ECHDC2: variants seen among roughly 807,000 people sequenced by gnomAD.
ECHDC2 encodes enoyl-CoA hydratase domain-containing protein 2, mitochondrial.
A neutral mutation model predicts 40.6 loss-of-function variants in ECHDC2; 34 were observed. The observed-to-expected ratio is 0.84, with a 90% confidence interval of 0.64 to 1.11. The LOEUF is 1.11. Among genes scored for constraint, ECHDC2 ranks in the 50% most tolerant of loss-of-function variants. The probability of loss-of-function intolerance (pLI) is 0.00; values close to 1 mark genes in which losing one functional copy is unlikely to be tolerated. For synonymous variants in ECHDC2, 162 were observed against 166.6 expected, an observed-to-expected ratio of 0.97 and a Z score of 0.21; for missense variants, 392 against 400.7, an observed-to-expected ratio of 0.98 and a Z score of 0.19.
At chr1:52,904,260 A>G (rs944406593) in intron 7 of ECHDC2, among the ~76,000 whole-genome samples, 16 of 152,226 alleles carry the variant, frequency 1.1e-4, no homozygotes, top group African/African-American at 3.9e-4. Context: ...CACAAGCCAC[A>G]TGTGGCTATT....
intron 7 of ECHDC2, chr1:52,901,723 G>A (rs992415963): frequency 2.6e-5 from 4 of 152,136 alleles, no homozygotes; most frequent in African/African-American, 4.8e-5. Flanking sequence ...CTTGTTTTTG[G>A]TAGACTGGTG....
At chr1:52,921,364 G>C in intron 1 of ECHDC2, 189 bp downstream of exon 1, 1 of 1,344,546 alleles carries the variant, frequency 7.4e-7, no homozygotes, top group Non-Finnish European at 9.6e-7. Flanking sequence ...CCCGCCCCCA[G>C]CTAGAGTCTG....
At chr1:52,906,337 A>G in intron 5 of ECHDC2, 182 bp downstream of exon 5, 7 of 692,884 alleles carry the variant, frequency 1.0e-5, no homozygotes, top group Non-Finnish European at 1.9e-5. Flanking sequence ...ACAGCAGCTA[A>G]TGGCTGCACC....
rs1386680352 is a variant in ECHDC2, at chr1:52,896,458, T to A, written c.*62A>T. The stretch of plus-strand genomic sequence containing the variant: ...ATGATGAAGGCAATCTGGCCACAAA[T>A]CTTCCTTCTGGATCCTGCTCTTCAG... On this transcript the variant is annotated 3_prime_UTR_variant, in exon 10 of 10. Coordinates refer to ENST00000371522, the MANE Select transcript of ECHDC2 (RefSeq NM_001198961.2). 2 of 1,352,670 alleles carry A rather than the reference T, an allele frequency of 1.5e-6. No homozygotes were observed. 83.8% of individuals were successfully genotyped at this position (1,352,670 alleles called of 1,614,324 possible).
intron 5 of ECHDC2, chr1:52,905,329 C>G: frequency 1.8e-6 from 1 of 567,894 alleles, no homozygotes; most frequent in South Asian, 2.3e-5. Flanking sequence ...GCAAGTCTCA[C>G]CCTTCCCAAG....
In ECHDC2 at chr1:52,896,538, G is replaced by A; in HGVS notation, c.861C>T (p.Pro287=). ...ATGGGGGTCATTTGCCAACAAATTT[G>A]GGAGTCCGCTTCTCCCTGAAGGCTG... ...GMAAFREKRT[P]KFVGK Residue 287 remains proline (P), a synonymous_variant, in exon 10 of 10, where the codon CCC becomes CCT. Coordinates refer to ENST00000371522, the MANE Select transcript of ECHDC2 (RefSeq NM_001198961.2). The A allele has an allele frequency of 6.2e-7, 1 of 1,614,102 alleles. No individual in the cohort carries two copies. Among genetic ancestry groups the A allele is most frequent in the Non-Finnish European group, 8.5e-7 (1 of 1,179,966 alleles).
chr1:52,911,614 C>A lies in ECHDC2; in HGVS notation c.229G>T (p.Val77Leu). The change falls in exon 3 of 10, where the codon GTG (valine) becomes TTG (leucine). Residue 77 changes from valine (V) to leucine (L), a missense_variant. Val to Leu is a conservative substitution (Grantham distance 32). Transcript: ENST00000371522. The stretch of plus-strand genomic sequence containing the variant: ...CCACTTCTGAAGAGCAGGACACGCA[C>A]TTGCCGGTCCTCCCGCAGCTGGGCC... ...TLAQLREDRQVRVLLFRSGVK... is the reference protein window; with the variant it reads ...TLAQLREDRQLRVLLFRSGVK... 2 of 1,614,212 alleles carry A rather than the reference C, an allele frequency of 1.2e-6. No individual in the cohort carries two copies. The highest frequency in any genetic ancestry group is 1.7e-6 in the Non-Finnish European group (2 of 1,180,046).
At chr1:52,912,055 A>C in intron 1 of ECHDC2, 1 of 1,390,882 alleles carries the variant, frequency 7.2e-7, no homozygotes. Context: ...AACAACAGTG[A>C]CTACCACAGT....
At chr1:52,906,030 A>G in intron 5 of ECHDC2, 1 of 286,470 alleles carries the variant, frequency 3.5e-6, no homozygotes, top group South Asian at 3.4e-5. Context: ...GAAAATGATC[A>G]GTTATCTTCT....
intron 3 of ECHDC2, 132 bp downstream of exon 3, chr1:52,911,434 G>C: frequency 1.2e-6 from 1 of 843,704 alleles, no homozygotes; most frequent in Non-Finnish European, 1.9e-6. Context: ...TTTCCTCCCT[G>C]AGTCTCTGCA....
intron 7 of ECHDC2, chr1:52,901,159 AAAAT>A (rs5774130): frequency 0.57 from 83,649 of 147,042 alleles, 24,779 homozygotes; most frequent in African/African-American, 0.65. Context: ...CCCTGTCTCA[AAAAT>A]AAATAAATAA....
chr1:52,908,854 C>T (rs1277666589), intron 3 of ECHDC2, among the ~76,000 whole-genome samples: 4 of 146,026 alleles, frequency 2.7e-5, no homozygotes, highest in African/African-American at 5.1e-5. Context: ...GCAGGAGAAT[C>T]GCGTGAGCCC....
At chr1:52,897,005 AG>A (rs1571897855) in intron 9 of ECHDC2, 2 of 286,606 alleles carry the variant, frequency 7.0e-6, no homozygotes, top group East Asian at 1.3e-4. Flanking sequence ...GTTAACGTGG[AG>A]ATTAGCATTT....
At position 52,904,702 on chromosome 1, in the gene ECHDC2, C is replaced by T. The variant is rs770171803; in HGVS notation, c.646G>A (p.Glu216Lys). ...LVNHAVAQNE[E>K]GDAAYQRARA... ...GCCCGCTGGTAGGCGGCGTCCCCCT[C>T]CTCGTTCTGGGCCACAGCGTGATTC... The change falls in exon 7 of 10, where the codon GAG becomes AAG. Residue 216 changes from glutamate (E) to lysine (K), a missense_variant. By Grantham distance (56) the Glu-to-Lys change is moderately conservative. Transcript: ENST00000371522. 1.1e-5 allele frequency: 17 copies of T among 1,612,140 alleles called. No individual in the cohort carries two copies. The highest frequency in any genetic ancestry group is 5.0e-5 in the Admixed American group (3 of 59,968).
Position 52,899,154 on chromosome 1 carries a change from C to T in ECHDC2, c.753+20G>A, listed in dbSNP as rs778343565. On this transcript the variant is annotated intron_variant, in intron 8 of 9. Transcript: ENST00000371522. Reference sequence around the variant, plus strand: ...CGACCAACTTTAGTGGACCCAAGTCCCAACCCAAAACCCTCTCACCTCCGT... The same window carrying T: ...CGACCAACTTTAGTGGACCCAAGTCTCAACCCAAAACCCTCTCACCTCCGT... The T allele has an allele frequency of 4.3e-6, 7 of 1,614,108 alleles. No homozygotes were observed. The highest frequency in any genetic ancestry group is 5.9e-6 in the Non-Finnish European group (7 of 1,179,988).
chr1:52,919,159 T>C (rs746793603), intron 1 of ECHDC2, among the ~76,000 whole-genome samples: 35 of 151,628 alleles, frequency 2.3e-4, no homozygotes, highest in Non-Finnish European at 4.0e-4. Context: ...ATGGAAAAAC[T>C]GTCTTTCATG....
intron 1 of ECHDC2, among the ~76,000 whole-genome samples, chr1:52,917,999 T>C (rs992289068): frequency 6.6e-6 from 1 of 152,180 alleles, no homozygotes; most frequent in Non-Finnish European, 1.5e-5. Flanking sequence ...GACAGGGTCT[T>C]ACTCTGTTGC....
Position 52,906,514 on chromosome 1 carries a change from A to C in ECHDC2, c.457+5T>G. On this transcript the variant is annotated splice_donor_5th_base_variant and intron_variant, in intron 5 of 9. Transcript: ENST00000371522. Reference sequence around the variant, plus strand: ...CACCCCCTGCCCCCAGTCCTGGCCCAGTACCTGCCACTCGGAGGTCACAGG... The same window carrying C: ...CACCCCCTGCCCCCAGTCCTGGCCCCGTACCTGCCACTCGGAGGTCACAGG... 6.2e-7 allele frequency: 1 copy of C among 1,608,048 alleles called. No individual in the cohort carries two copies. Among genetic ancestry groups the C allele is most frequent in the South Asian group, 1.1e-5 (1 of 89,868 alleles).
Position 52,920,813 on chromosome 1 carries a change from CAG to C in ECHDC2, c.121+738_121+739del, listed in dbSNP as rs377260159. Among the ~76,000 whole-genome samples the C allele has an allele frequency of 1.6e-3, 249 of 152,084 alleles. 1 individual carries two copies. The highest frequency in any genetic ancestry group is 5.4e-3 in the African/African-American group (222 of 41,480). On this transcript the variant is annotated intron_variant, in intron 1 of 9. Coordinates refer to ENST00000371522, the MANE Select transcript of ECHDC2 (RefSeq NM_001198961.2). ...CCATCTGTGTATCAAATGCAGGAGA[CAG>C]GGGATGAGATGCGGGGAGGAGACCC...
Sources: gnomAD v4.1 joint callset for allele counts (sites outside exome capture counted in the v4.1 genomes callset) on GRCh38, gnomAD v4.1.1 for gene constraint, MANE v1.5 for transcripts, NCBI Gene and HGNC (gene_info 2026-07-23, HGNC 2026-07-21) for gene names.